Variants in RIC1 observed in about 807,000 individuals in gnomAD.
RIC1 encodes the protein guanine nucleotide exchange factor subunit RIC1.
In RIC1, 88 loss-of-function variants were observed where a neutral mutation model predicts 169.0. That is an observed-to-expected ratio of 0.52 (90% CI 0.44 to 0.62). RIC1 has a LOEUF of 0.62. Ranked by LOEUF, RIC1 falls within the 20% of genes least tolerant of loss-of-function variation. The pLI is 0.00. For synonymous variants in RIC1, 790 were observed against 601.5 expected (o/e 1.31, Z -4.59); for missense variants, 1,877 against 1,725.5 (o/e 1.09, Z -1.56).
chr9:5,646,234 G>T (rs146112773), intron 1 of RIC1, among the ~76,000 whole-genome samples: 7 of 152,168 alleles, frequency 4.6e-5, no homozygotes, highest in African/African-American at 1.7e-4. Flanking sequence ...GAAAGTGTCC[G>T]TTGAAGTTCT....
chr9:5,757,778 A>C (rs1366224327), intron 17 of RIC1, among the ~76,000 whole-genome samples: 1 of 152,218 alleles, frequency 6.6e-6, no homozygotes, highest in Non-Finnish European at 1.5e-5. Context: ...ATAAGTAGAA[A>C]TTATCCAAGT....
intron 2 of RIC1, among the ~76,000 whole-genome samples, chr9:5,656,968 TCTAA>T (rs1284562566): frequency 6.6e-6 from 1 of 152,116 alleles, no homozygotes; most frequent in African/African-American, 2.4e-5. Flanking sequence ...GCCCTTGAAG[TCTAA>T]CTGCTTTACT....
At chr9:5,689,453 G>A (rs1028410648) in intron 2 of RIC1, among the ~76,000 whole-genome samples, 1 of 152,134 alleles carries the variant, frequency 6.6e-6, no homozygotes, top group African/African-American at 2.4e-5. Flanking sequence ...GTCTGTATCT[G>A]GGGCTATATT....
intron 17 of RIC1, 61 bp from the exon 18 acceptor site, chr9:5,762,480 G>A: frequency 6.3e-7 from 1 of 1,592,038 alleles, no homozygotes; most frequent in Non-Finnish European, 8.6e-7. Flanking sequence ...GGATTGGGGG[G>A]AGATGCGGAA....
intron 17 of RIC1, among the ~76,000 whole-genome samples, chr9:5,761,454 C>T (rs1353557209): frequency 2.6e-5 from 4 of 152,004 alleles, no homozygotes; most frequent in African/African-American, 9.7e-5. Context: ...CTGGTACAGT[C>T]GTCTCTGATT....
intron 1 of RIC1, among the ~76,000 whole-genome samples, chr9:5,638,865 C>T (rs992982881): frequency 1.3e-5 from 2 of 151,926 alleles, no homozygotes; most frequent in Non-Finnish European, 2.9e-5. Flanking sequence ...GGGTTGTTTG[C>T]TCTTGCTTTT....
At chr9:5,657,223 T>G (rs57286098) in intron 2 of RIC1, among the ~76,000 whole-genome samples, 1 of 152,156 alleles carries the variant, frequency 6.6e-6, no homozygotes. Flanking sequence ...GTGCATATGT[T>G]ATACTAAAAT....
chr9:5,759,449 T>C (rs1826202858), intron 17 of RIC1, among the ~76,000 whole-genome samples: 1 of 152,220 alleles, frequency 6.6e-6, no homozygotes, highest in South Asian at 2.1e-4. Context: ...ATCTTCTAGA[T>C]TAAATAAGAC....
chr9:5,730,701 A>G (rs1366259742), intron 6 of RIC1, among the ~76,000 whole-genome samples: 4 of 152,100 alleles, frequency 2.6e-5, no homozygotes, highest in Admixed American at 1.3e-4. Flanking sequence ...CAATTCCACA[A>G]GTGTTTGCTT....
chr9:5,772,826 A>AT (rs2131155283), intron 24 of RIC1, 66 bp from the exon 25 acceptor site: 1 of 1,551,878 alleles, frequency 6.4e-7, no homozygotes, highest in Non-Finnish European at 8.8e-7. Context: ...CCTAATAATC[A>AT]TTGCACTTCT....
intron 1 of RIC1, among the ~76,000 whole-genome samples, chr9:5,640,940 T>C (rs1180862253): frequency 1.3e-5 from 2 of 152,200 alleles, no homozygotes; most frequent in Non-Finnish European, 2.9e-5. Flanking sequence ...TCTCCTGGCC[T>C]GTAAGATTTT....
chr9:5,629,879 G>A (rs1301460286), intron 1 of RIC1, among the ~76,000 whole-genome samples: 1 of 152,236 alleles, frequency 6.6e-6, no homozygotes, highest in Non-Finnish European at 1.5e-5. Context: ...TGGAGTTAGG[G>A]AAAGCCTCTT....
At chr9:5,669,588 G>T (rs1819972705) in intron 2 of RIC1, among the ~76,000 whole-genome samples, 1 of 152,166 alleles carries the variant, frequency 6.6e-6, no homozygotes, top group Non-Finnish European at 1.5e-5. Context: ...TTCAGCAGAT[G>T]TCTTGAGGGT....
chr9:5,720,734 G>A lies in RIC1; in HGVS notation c.704G>A (p.Ser235Asn), dbSNP rs368039428. The change falls in exon 6 of 26, where the codon AGT (serine) becomes AAT (asparagine). Residue 235 changes from serine to asparagine, a missense_variant. Transcript: ENST00000414202. The part of the protein sequence containing the change: ...GKVGFITPVS[S>N]RFTAEQLHGV... ...GTTGGATTTATTACACCAGTGTCAA[G>A]TAGATTTACTGCAGAGGTATGACTT... The A allele has an allele frequency of 1.2e-6, 2 of 1,607,838 alleles. No homozygotes were observed. Among genetic ancestry groups the A allele is most frequent in the African/African-American group, 2.7e-5 (2 of 74,530 alleles).
intron 12 of RIC1, among the ~76,000 whole-genome samples, chr9:5,749,378 T>C (rs1479815033): frequency 6.6e-6 from 1 of 152,198 alleles, no homozygotes; most frequent in Non-Finnish European, 1.5e-5. Context: ...GTCTATATAA[T>C]GCTAAACTTT....
intron 9 of RIC1, 108 bp from the exon 10 acceptor site, chr9:5,743,581 C>T: frequency 1.2e-6 from 1 of 841,370 alleles, no homozygotes; most frequent in Non-Finnish European, 1.9e-6. Context: ...TTATGTATTT[C>T]TATTTTAAAG....
rs1821908405 is a variant in RIC1, at chr9:5,696,422, A to G, written c.332+6384A>G. 2.0e-5 allele frequency among the ~76,000 whole-genome samples: 3 copies of G among 151,944 alleles called. No homozygotes were observed. The South Asian group carries it at 6.2e-4, about 32-fold the overall frequency. ...CTCCCCTGCTATCTTTTTTTATGTA[A>G]GAAATTTATCTGAGTTGGTTTTCAA... On this transcript the variant is annotated intron_variant, in intron 3 of 25. Coordinates refer to ENST00000414202, the MANE Select transcript of RIC1 (RefSeq NM_020829.4).
intron 3 of RIC1, among the ~76,000 whole-genome samples, chr9:5,698,263 CT>C (rs1822020307): frequency 6.6e-6 from 1 of 152,162 alleles, no homozygotes; most frequent in South Asian, 2.1e-4. Flanking sequence ...GTCTTCTTTT[CT>C]TTTAAGACTT....
chr9:5,674,861 C>T (rs1820349614), intron 2 of RIC1, among the ~76,000 whole-genome samples: 3 of 152,014 alleles, frequency 2.0e-5, no homozygotes, highest in Admixed American at 2.0e-4. Flanking sequence ...TTTTTTGTTC[C>T]GGGCATATGC....
Sources: gnomAD v4.1 joint callset for allele counts (sites outside exome capture counted in the v4.1 genomes callset) on GRCh38, gnomAD v4.1.1 for gene constraint, MANE v1.5 for transcripts, NCBI Gene and HGNC (gene_info 2026-07-23, HGNC 2026-07-21) for gene names.